Variants in UNC13A observed in about 807,000 individuals in gnomAD.
The protein encoded by UNC13A is protein unc-13 homolog A.
Under a neutral mutation model 219.7 loss-of-function variants are expected in UNC13A, and 61 were observed. The ratio of observed to expected loss-of-function variants is 0.28; its 90% CI spans 0.23 to 0.34. UNC13A has a LOEUF of 0.34. Ranked by LOEUF, UNC13A falls within the 10% of genes least tolerant of loss-of-function variation. The pLI, the probability that UNC13A is intolerant of heterozygous loss-of-function variation, is 1.00. For missense variants in UNC13A, 1,476 were observed against 2,270.3 expected, an observed-to-expected ratio of 0.65 and a Z score of 7.11; for synonymous variants, 920 against 884.6, an observed-to-expected ratio of 1.04 and a Z score of -0.71.
chr19:17,617,691 G>C lies in UNC13A; in HGVS notation c.4558+11C>G, dbSNP rs144584772. On this transcript the variant is annotated intron_variant, in intron 41 of 43. Transcript: ENST00000519716. Reference sequence around the variant, plus strand: ...GAGCGGGAAAGGGTGATGCGGTCTGGGTACCCTTACCCTGGGCCGATTGCG... The same window carrying C: ...GAGCGGGAAAGGGTGATGCGGTCTGCGTACCCTTACCCTGGGCCGATTGCG... 1 of 1,612,036 alleles carries C rather than the reference G, an allele frequency of 6.2e-7. No homozygotes were observed. The highest frequency in any genetic ancestry group is 8.5e-7 in the Non-Finnish European group (1 of 1,178,224).
At position 17,621,882 on chromosome 19, in the gene UNC13A, A is replaced by C. The variant is rs2076733025; in HGVS notation, c.4204-12T>G. 1 of 1,613,968 alleles carries C rather than the reference A, an allele frequency of 6.2e-7. No homozygotes were observed. The highest frequency in any genetic ancestry group is 1.3e-5 in the African/African-American group (1 of 75,060). On this transcript the variant is annotated splice_polypyrimidine_tract_variant and intron_variant, in intron 36 of 43. Coordinates refer to ENST00000519716, the MANE Select transcript of UNC13A (RefSeq NM_001080421.3). ...CTCAAGAGGTTCCCCTGCAGAGATA[A>C]TGTCACAGGGTGATCAACCTGGCAA...
At position 17,672,515 on chromosome 19, in the gene UNC13A, G is replaced by C; in HGVS notation, c.153-20C>G. On this transcript the variant is annotated intron_variant, in intron 3 of 43. Coordinates refer to ENST00000519716, the MANE Select transcript of UNC13A (RefSeq NM_001080421.3). ...ATCTCGCTGCAGAAAAAGGAGAGGG[G>C]GCGTCGAGGGAGCAGGAGGGAGGAA... The C allele has an allele frequency of 6.2e-7, 1 of 1,606,858 alleles. No individual in the cohort carries two copies.
chr19:17,655,882 C>A lies in UNC13A; in HGVS notation c.1283+1G>T. 1 of 1,516,802 alleles carries A rather than the reference C, an allele frequency of 6.6e-7. No individual in the cohort carries two copies. The highest frequency in any genetic ancestry group is 8.8e-7 in the Non-Finnish European group (1 of 1,137,196). The allele number at this position is 1,516,802 out of a possible 1,614,324, so 94.0% of individuals were successfully genotyped here. ...CTGGCCCCTTGGCCCCGTCCTGTTA[C>A]CTCTCCTCGTCCTTGGGTGGCTCAG... On this transcript the variant is annotated splice_donor_variant, in intron 10 of 43. Transcript: ENST00000519716. LOFTEE classifies it high-confidence loss of function.
chr19:17,617,655 C>G (rs1378852175), intron 41 of UNC13A, 47 bp downstream of exon 41: 1 of 1,600,214 alleles, frequency 6.2e-7, no homozygotes, highest in South Asian at 1.1e-5. Flanking sequence ...TGGGGCGGGG[C>G]TGTCTCCGCG....
intron 35 of UNC13A, among the ~76,000 whole-genome samples, 164 bp from the exon 36 acceptor site, chr19:17,623,711 C>T (rs2076754006): frequency 6.6e-6 from 1 of 151,934 alleles, no homozygotes; most frequent in Non-Finnish European, 1.5e-5. Flanking sequence ...CGAGCCTCCC[C>T]GACCATCGTC....
intron 31 of UNC13A, 158 bp from the exon 32 acceptor site, chr19:17,628,098 C>T: frequency 1.5e-6 from 1 of 673,986 alleles, no homozygotes; most frequent in Non-Finnish European, 2.6e-6. Flanking sequence ...CTTTTGTGCT[C>T]AGGTTCCTGG....
At chr19:17,647,902 CCCT>C (rs1271852071) in intron 16 of UNC13A, among the ~76,000 whole-genome samples, 1 of 146,818 alleles carries the variant, frequency 6.8e-6, no homozygotes, top group Non-Finnish European at 1.5e-5. Flanking sequence ...CCTCTGAATC[CCCT>C]CCTCGTCTCT....
chr19:17,602,218 T>A lies in UNC13A; in HGVS notation c.*3836A>T, dbSNP rs977718719. 1.3e-5 allele frequency: 2 copies of A among 152,670 alleles called. No homozygotes were observed. Among genetic ancestry groups the A allele is most frequent in the Non-Finnish European group, 2.9e-5 (2 of 68,140 alleles). 9.5% of individuals were successfully genotyped at this position (152,670 alleles called of 1,614,324 possible). A position where few individuals can be genotyped will look rare whatever the true frequency, so the allele number is the denominator to read the frequency against. On this transcript the variant is annotated 3_prime_UTR_variant, in exon 44 of 44. Transcript: ENST00000519716. ...CTGGTAAGAGTGAACAGATCCTTCT[T>A]TCTTCAGGACACCCTCTTTACTTCC...
Position 17,606,055 on chromosome 19 carries a change from T to A in UNC13A, c.5111A>T (p.Ter1704LeuextTer56). 6.5e-7 allele frequency: 1 copy of A among 1,545,904 alleles called. No individual in the cohort carries two copies. The highest frequency in any genetic ancestry group is 8.7e-7 in the Non-Finnish European group (1 of 1,152,090). Residue 1704 changes from the stop codon to leucine, a stop_lost, in exon 44 of 44, where the codon TAG becomes TTG. Transcript: ENST00000519716. ...AEEGGAAPAP[*>L] is the part of the protein sequence containing the mutation. Reference sequence around the variant, plus strand: ...GTGCCGCTCGGCCGACCGCCCGCGCTAAGGCGCAGGCGCGGCACCGCCCTC... The same window carrying A: ...GTGCCGCTCGGCCGACCGCCCGCGCAAAGGCGCAGGCGCGGCACCGCCCTC...
intron 30 of UNC13A, 78 bp downstream of exon 30, chr19:17,630,067 A>T: frequency 6.8e-7 from 1 of 1,469,190 alleles, no homozygotes; most frequent in Non-Finnish European, 9.2e-7. Flanking sequence ...CCTCAACCTT[A>T]GCCCATCTCC....
Position 17,666,127 on chromosome 19 carries a change from TTTCTTTTTC to T in UNC13A, c.523+514_523+522del, listed in dbSNP as rs769491453. Among the ~76,000 whole-genome samples, 75 of 127,674 alleles carry T rather than the reference TTTCTTTTTC, an allele frequency of 5.9e-4. 2 individuals carry two copies. The highest frequency in any genetic ancestry group is 4.3e-3 in the East Asian group (20 of 4,698). 83.8% of individuals were successfully genotyped at this position (127,674 alleles called of 152,430 possible). A position where few individuals can be genotyped will look rare whatever the true frequency, so the allele number is the denominator to read the frequency against. ...TTCTTTTCTTTTCTCTTTTCTTTTC[TTTCTTTTTC>T]TTTCTTTCTTTCCTCTCCTCTCCTT... On this transcript the variant is annotated intron_variant, in intron 7 of 43. Transcript: ENST00000519716.
Position 17,644,686 on chromosome 19 carries a change from T to C in UNC13A, c.2356+988A>G, listed in dbSNP as rs2077006663. Among the ~76,000 whole-genome samples, 4 of 150,968 alleles carry C rather than the reference T, an allele frequency of 2.6e-5. No homozygotes were observed. In the South Asian group the frequency reaches 8.4e-4, roughly 32 times the overall value. On this transcript the variant is annotated intron_variant, in intron 19 of 43. Coordinates refer to ENST00000519716, the MANE Select transcript of UNC13A (RefSeq NM_001080421.3). ...TGTTGGGATTATAGGCGTGAGACAC[T>C]GCACCCGGCCATATTTGTTTTTTGA...
Position 17,640,624 on chromosome 19 carries a change from C to A in UNC13A, c.2674G>T (p.Gly892Trp). ...AGGGTGCTCATGACGGCAGGCACCCCTGGGCACATATACTTGGAGGAGAGG... is the reference window on the plus strand; with the variant it reads ...AGGGTGCTCATGACGGCAGGCACCCATGGGCACATATACTTGGAGGAGAGG... ...ACLSSKYMCPGVPAVMSTLLA... is the reference protein window; with the variant it reads ...ACLSSKYMCPWVPAVMSTLLA... Residue 892 changes from glycine (G) to tryptophan (W), a missense_variant, in exon 22 of 44, where the codon GGG becomes TGG. Physicochemically the swap from Gly to Trp is radical, Grantham distance 184 (BLOSUM62 -2). This residue lies in a region of UNC13A where 140 missense variants were observed against 270.9 expected (regional missense o/e 0.52). Coordinates refer to ENST00000519716, the MANE Select transcript of UNC13A (RefSeq NM_001080421.3). 6.3e-7 allele frequency: 1 copy of A among 1,591,966 alleles called. No individual in the cohort carries two copies. Among genetic ancestry groups the A allele is most frequent in the East Asian group, 2.3e-5 (1 of 43,962 alleles).
intron 6 of UNC13A, 110 bp downstream of exon 6, chr19:17,668,007 A>C: frequency 9.1e-7 from 1 of 1,100,352 alleles, no homozygotes. Flanking sequence ...TTAGAAACAG[A>C]GATGCAGGGA....
intron 42 of UNC13A, among the ~76,000 whole-genome samples, chr19:17,610,568 T>G (rs191481084): frequency 2.6e-5 from 4 of 152,294 alleles, no homozygotes; most frequent in Admixed American, 6.5e-5. Context: ...CTAAGTGTGG[T>G]CATATGACTA....
At chr19:17,648,327 C>CA in intron 16 of UNC13A, 104 bp downstream of exon 16, 1 of 1,145,176 alleles carries the variant, frequency 8.7e-7, no homozygotes, top group Non-Finnish European at 1.2e-6. Context: ...TGCCCCGCCC[C>CA]ATGGTGCCCC....
intron 37 of UNC13A, among the ~76,000 whole-genome samples, chr19:17,621,463 A>G (rs1296706848): frequency 6.6e-6 from 1 of 152,192 alleles, no homozygotes; most frequent in Non-Finnish European, 1.5e-5. Context: ...GCACAGCAAC[A>G]AAAAGAAATC....
At chr19:17,606,519 A>G (rs115447907) in intron 43 of UNC13A, among the ~76,000 whole-genome samples, 165 bp from the exon 44 acceptor site, 7,822 of 151,590 alleles carry the variant, frequency 0.052, 259 homozygotes, top group South Asian at 0.12. Flanking sequence ...TTGACCTACA[A>G]CCCTGTGCTT....
Position 17,656,259 on chromosome 19 carries a change from A to C in UNC13A, c.907T>G (p.Ser303Ala). 1 of 1,551,346 alleles carries C rather than the reference A, an allele frequency of 6.4e-7. No homozygotes were observed. The highest frequency in any genetic ancestry group is 8.7e-7 in the Non-Finnish European group (1 of 1,147,036). The change falls in exon 10 of 44, where the codon TCC becomes GCC. Residue 303 changes from serine to alanine, a missense_variant. This residue lies in a region of UNC13A where 351 missense variants were observed against 342.6 expected (regional missense o/e 1.02). Coordinates refer to ENST00000519716, the MANE Select transcript of UNC13A (RefSeq NM_001080421.3). ...TGGTAGCTGACCGAGCTGTGGCAGG[A>C]GTGGTAGGAGTCCCGGTCCCGCTCA... Reference protein sequence around the residue: ...EDERDRDSYHSCHSSVSYHKD... With the variant: ...EDERDRDSYHACHSSVSYHKD...
Sources: allele counts gnomAD v4.1 joint callset (sites outside exome capture counted in the v4.1 genomes callset), GRCh38; gene constraint gnomAD v4.1.1; regional missense constraint gnomAD v4.1.1; transcripts MANE v1.5; gene names NCBI Gene and HGNC (gene_info 2026-07-23, HGNC 2026-07-21).